The following MTA1 variants were observed in gnomAD, a reference collection of about 807,000 sequenced individuals.
The protein encoded by MTA1 is metastasis associated 1, also known as metastasis-associated protein MTA1.
Under a neutral mutation model 97.0 loss-of-function variants are expected in MTA1, and 15 were observed. That is an observed-to-expected ratio of 0.15 (90% CI 0.10 to 0.24). The LOEUF (loss-of-function observed/expected upper bound fraction) is 0.24, where lower values mean the gene tolerates loss of function less well. MTA1 is among the 10% of genes least tolerant of loss of function. MTA1 has a pLI of 1.00. For missense variants in MTA1, 709 were observed against 1,015.1 expected (o/e 0.70, Z 4.10); for synonymous variants, 435 against 417.5 (o/e 1.04, Z -0.51).
intron 3 of MTA1, 49 bp from the exon 4 acceptor site, chr14:105,449,310 G>A (rs782728554): frequency 5.7e-6 from 9 of 1,581,822 alleles, no homozygotes; most frequent in South Asian, 2.3e-5. Flanking sequence ...GGAGCAGGCC[G>A]CCACCCTGTG....
chr14:105,455,158 G>A (rs927397447), intron 7 of MTA1, among the ~76,000 whole-genome samples: 1 of 152,134 alleles, frequency 6.6e-6, no homozygotes, highest in African/African-American at 2.4e-5. Context: ...TACCTGCTTC[G>A]ACCTCCCAAA....
At position 105,424,750 on chromosome 14, in the gene MTA1, C is replaced by T. The variant is rs1472469524; in HGVS notation, c.28+4687C>T. Among the ~76,000 whole-genome samples, 2 of 152,306 alleles carry T rather than the reference C, an allele frequency of 1.3e-5. No individual in the cohort carries two copies. Among genetic ancestry groups the T allele is most frequent in the African/African-American group, 2.4e-5 (1 of 41,562 alleles). On this transcript the variant is annotated intron_variant, in intron 1 of 20. Coordinates refer to ENST00000331320, the MANE Select transcript of MTA1 (RefSeq NM_004689.4). This position sits in a 1 kb window ranked among gnomAD's most constrained non-coding sequence, Gnocchi z 4.0. ...ACCTCAAGTGATCCACCCGCCTCGG[C>T]CTCCCAAAGTGCTGGGATTACAGGC...
chr14:105,463,080 TC>T lies in MTA1; in HGVS notation c.943-101del. ...ACCAAGCACACCTCGCCCTCTGGCC[TC>T]CCGCCCCCTCTGTGGCCTTCTGGCC... is the stretch of plus-strand genomic sequence containing the variant. On this transcript the variant is annotated intron_variant, in intron 10 of 20. Coordinates refer to ENST00000331320, the MANE Select transcript of MTA1 (RefSeq NM_004689.4). The surrounding 1 kb of genome is among the most constrained non-coding windows in gnomAD (Gnocchi z 5.9). 1 of 1,166,238 alleles carries T rather than the reference TC, an allele frequency of 8.6e-7. No individual in the cohort carries two copies. The highest frequency in any genetic ancestry group is 1.2e-6 in the Non-Finnish European group (1 of 800,724). The allele number at this position is 1,166,238 out of a possible 1,614,324, so 72.2% of individuals were successfully genotyped here. A position where few individuals can be genotyped will look rare whatever the true frequency, so the allele number is the denominator to read the frequency against.
intron 18 of MTA1, 69 bp from the exon 19 acceptor site, chr14:105,469,398 C>A: frequency 6.4e-7 from 1 of 1,551,394 alleles, no homozygotes; most frequent in Non-Finnish European, 8.9e-7. Context: ...TGGCTGAGGC[C>A]GTGGTGGGCG....
intron 8 of MTA1, among the ~76,000 whole-genome samples, 155 bp from the exon 9 acceptor site, chr14:105,460,203 G>GC (rs1290444805): frequency 2.1e-5 from 3 of 146,170 alleles, no homozygotes; most frequent in Non-Finnish European, 3.0e-5. Flanking sequence ...AGTCCGTGCT[G>GC]CCCATGGCCC....
chr14:105,454,161 G>T (rs1437479883), intron 6 of MTA1, 32 bp from the exon 7 acceptor site: 5 of 1,549,210 alleles, frequency 3.2e-6, no homozygotes, highest in Middle Eastern at 1.7e-4. Flanking sequence ...TGACTGTGCT[G>T]ACGCCTCTCT....
In MTA1 at chr14:105,469,999, C is replaced by G. The variant is rs1555434016; in HGVS notation, c.1997+7C>G. Reference sequence around the variant, plus strand: ...TGGCCACAGAGGAGACCAGGTGGGGCCTTCCCAGGGCAGGCGGGAGGGCTC... The same window carrying G: ...TGGCCACAGAGGAGACCAGGTGGGGGCTTCCCAGGGCAGGCGGGAGGGCTC... On this transcript the variant is annotated splice_region_variant and intron_variant, in intron 20 of 20. Transcript: ENST00000331320. The G allele has an allele frequency of 4.3e-6, 7 of 1,612,344 alleles. No individual in the cohort carries two copies. The Admixed American group carries it at 1.2e-4, about 27-fold the overall frequency.
At chr14:105,438,789 C>T (rs4983620) in intron 2 of MTA1, 50 bp downstream of exon 2, 1,555,886 of 1,576,436 alleles carry the variant, frequency 0.99, 769,587 homozygotes, top group Non-Finnish European at 1. Context: ...GTGGGGGCTA[C>T]GCCAGCTCCT....
At chr14:105,423,875 C>T (rs932716306) in intron 1 of MTA1, among the ~76,000 whole-genome samples, 8 of 152,248 alleles carry the variant, frequency 5.3e-5, no homozygotes, top group Admixed American at 6.5e-5. Flanking sequence ...CAGCCAGCGC[C>T]GCCCTACCCT....
chr14:105,442,091 A>G (rs2082551625), intron 2 of MTA1, among the ~76,000 whole-genome samples: 1 of 152,266 alleles, frequency 6.6e-6, no homozygotes, highest in East Asian at 1.9e-4. Context: ...AGTTAATAGC[A>G]GAGAAGGAGC....
intron 1 of MTA1, among the ~76,000 whole-genome samples, chr14:105,423,010 G>A (rs1014073128): frequency 1.1e-4 from 17 of 152,128 alleles, no homozygotes; most frequent in African/African-American, 2.9e-4. Flanking sequence ...GGGCAACGGC[G>A]GGATGTTTCT....
intron 18 of MTA1, 33 bp from the exon 19 acceptor site, chr14:105,469,434 G>A (rs782125911): frequency 5.1e-5 from 82 of 1,612,062 alleles, no homozygotes; most frequent in Middle Eastern, 1.7e-4. Flanking sequence ...GCGCTCTCTC[G>A]GGGCCTCATT....
Position 105,466,426 on chromosome 14 carries a change from A to AGGGGGGGGGGGGGGGGGGG in MTA1, c.1626_1627insGGGGGGGGGGGGGGGGGGG (p.Thr543GlyfsTer15). 1 of 1,484,224 alleles carries AGGGGGGGGGGGGGGGGGGG rather than the reference A, an allele frequency of 6.7e-7. No homozygotes were observed. The highest frequency in any genetic ancestry group is 9.3e-7 in the Non-Finnish European group (1 of 1,071,322). The allele number at this position is 1,484,224 out of a possible 1,614,324, so 91.9% of individuals were successfully genotyped here. On this transcript the variant is annotated frameshift_variant and splice_region_variant, in exon 17 of 21. Transcript: ENST00000331320. LOFTEE classifies it high-confidence loss of function. ...GTTCTGCCTGTGTCATTCCCGGCAG[A>AGGGGGGGGGGGGGGGGGGG]GACCCACCCCCGCCCCCCCAAGCCT... is the stretch of plus-strand genomic sequence containing the variant.
At chr14:105,442,361 G>A (rs1272466341) in intron 2 of MTA1, among the ~76,000 whole-genome samples, 1 of 152,222 alleles carries the variant, frequency 6.6e-6, no homozygotes, top group African/African-American at 2.4e-5. Flanking sequence ...GGAGGCGCAG[G>A]TTCCTCCCGC....
chr14:105,435,195 T>G (rs782818640), intron 1 of MTA1, among the ~76,000 whole-genome samples: 6 of 152,252 alleles, frequency 3.9e-5, no homozygotes, highest in Non-Finnish European at 7.3e-5. Flanking sequence ...TTTTTTCAGA[T>G]TATATTCTTG....
At chr14:105,458,183 C>G in intron 7 of MTA1, 87 bp from the exon 8 acceptor site, 1 of 1,154,926 alleles carries the variant, frequency 8.7e-7, no homozygotes, top group Non-Finnish European at 1.3e-6. Flanking sequence ...CTCCCCGTCC[C>G]AGCAGCTCCC....
At chr14:105,449,515 G>T (rs928928599) in intron 4 of MTA1, 106 bp downstream of exon 4, 10 of 1,283,272 alleles carry the variant, frequency 7.8e-6, no homozygotes, top group Non-Finnish European at 1.1e-5. Context: ...CTGCATGCCT[G>T]TGCCCTGCGC....
chr14:105,462,653 G>C (rs774329862), intron 10 of MTA1, among the ~76,000 whole-genome samples: 1 of 152,054 alleles, frequency 6.6e-6, no homozygotes, highest in Non-Finnish European at 1.5e-5. Context: ...TGGACCACTT[G>C]AGGTCAGGAG....
rs1382178244 is a variant in MTA1, at chr14:105,432,036, C to CT, written c.29-6630dup. ...TCAGTTCTGTGAATTAAAAAAAAAC[C>CT]TTTTTTAAAGAGATAGAGTCTTGCT... On this transcript the variant is annotated intron_variant, in intron 1 of 20. Coordinates refer to ENST00000331320, the MANE Select transcript of MTA1 (RefSeq NM_004689.4). Among the ~76,000 whole-genome samples, 3 of 152,102 alleles carry CT rather than the reference C, an allele frequency of 2.0e-5. No individual in the cohort carries two copies. In the East Asian group the frequency reaches 5.8e-4, roughly 29 times the overall value.
Sources: allele counts gnomAD v4.1 joint callset (sites outside exome capture counted in the v4.1 genomes callset), GRCh38; gene constraint gnomAD v4.1.1; non-coding constraint Gnocchi (gnomAD v3.1); transcripts MANE v1.5; gene names NCBI Gene and HGNC (gene_info 2026-07-23, HGNC 2026-07-21).